Variants in FKTN observed in about 807,000 individuals in gnomAD.
FKTN encodes fukutin, also known as ribitol-5-phosphate transferase FKTN.
A neutral mutation model predicts 58.6 loss-of-function variants in FKTN; 47 were observed. That is an observed-to-expected ratio of 0.80 (90% confidence interval 0.63 to 1.02). The LOEUF (loss-of-function observed/expected upper bound fraction) is 1.02. Ranked by LOEUF, FKTN falls within the 50% of genes least tolerant of loss-of-function variation. The probability of loss-of-function intolerance (pLI) is 0.00; values close to 1 mark genes in which losing one functional copy is unlikely to be tolerated. For synonymous variants in FKTN, 178 were observed against 191.9 expected (o/e 0.93, Z 0.60); for missense variants, 516 against 537.3 (o/e 0.96, Z 0.39).
intron 3 of FKTN, among the ~76,000 whole-genome samples, chr9:105,576,018 G>C (rs2132037506): frequency 6.6e-6 from 1 of 152,130 alleles, no homozygotes; most frequent in African/African-American, 2.4e-5. Context: ...CTGCCCAGCT[G>C]ACTCACAGAT....
chr9:105,581,132 G>A (rs1842798448), intron 3 of FKTN, among the ~76,000 whole-genome samples: 1 of 149,382 alleles, frequency 6.7e-6, no homozygotes. Context: ...GTAGCTCAGA[G>A]TAATTTGATC....
chr9:105,606,889 G>C (rs1006884355), intron 6 of FKTN, among the ~76,000 whole-genome samples: 1 of 151,566 alleles, frequency 6.6e-6, no homozygotes, highest in South Asian at 2.1e-4. Flanking sequence ...AGTAGAGATG[G>C]AGAACAATAC....
intron 3 of FKTN, among the ~76,000 whole-genome samples, chr9:105,577,106 C>T (rs1395295799): frequency 1.4e-5 from 2 of 142,970 alleles, no homozygotes; most frequent in South Asian, 2.2e-4. Context: ...AATTTTCTCC[C>T]ATTTTGTAGG....
Position 105,638,200 on chromosome 9 carries a change from C to T in FKTN, c.*2936C>T. The T allele has an allele frequency of 1.0e-6, 1 of 985,402 alleles. No homozygotes were observed. The highest frequency in any genetic ancestry group is 1.2e-6 in the Non-Finnish European group (1 of 829,928). 61.0% of individuals were successfully genotyped at this position (985,402 alleles called of 1,614,324 possible). On this transcript the variant is annotated 3_prime_UTR_variant, in exon 11 of 11. Coordinates refer to ENST00000357998, the MANE Select transcript of FKTN (RefSeq NM_001079802.2). The stretch of plus-strand genomic sequence containing the variant: ...CTAGTCCAATGTCTGTTTCGCATCA[C>T]AACACAGTATCTTTAACAGTGCTTG...
intron 1 of FKTN, among the ~76,000 whole-genome samples, chr9:105,567,658 A>C (rs1379260290): frequency 6.6e-6 from 1 of 152,226 alleles, no homozygotes; most frequent in Admixed American, 6.5e-5. Flanking sequence ...AAACAAATGG[A>C]AGAACATTCT....
intron 7 of FKTN, among the ~76,000 whole-genome samples, chr9:105,612,115 C>A (rs1487551738): frequency 6.6e-6 from 1 of 151,768 alleles, no homozygotes; most frequent in Non-Finnish European, 1.5e-5. Context: ...TTTTTTATTG[C>A]ATTTTCTAAT....
chr9:105,566,869 T>C (rs544690081), intron 1 of FKTN, among the ~76,000 whole-genome samples: 33 of 152,340 alleles, frequency 2.2e-4, no homozygotes, highest in African/African-American at 7.0e-4. Flanking sequence ...TCAATATCCC[T>C]GATGAACATC....
chr9:105,587,191 A>G (rs1844067058), intron 3 of FKTN, among the ~76,000 whole-genome samples: 1 of 152,146 alleles, frequency 6.6e-6, no homozygotes, highest in South Asian at 2.1e-4. Flanking sequence ...GAGCAGCACC[A>G]GTGCCTGCAG....
chr9:105,561,091 C>CAA (rs533709834), intron 1 of FKTN, among the ~76,000 whole-genome samples: 1 of 136,626 alleles, frequency 7.3e-6, no homozygotes, highest in African/African-American at 2.6e-5. Context: ...TCTCAAAAAA[C>CAA]AAAAAAAAAA....
At chr9:105,583,913 C>T (rs528591684) in intron 3 of FKTN, among the ~76,000 whole-genome samples, 2 of 152,206 alleles carry the variant, frequency 1.3e-5, no homozygotes, top group African/African-American at 4.8e-5. Context: ...GTCCCAATAT[C>T]CCTTATTGAA....
At chr9:105,597,998 A>T in intron 4 of FKTN, 1 of 345,600 alleles carries the variant, frequency 2.9e-6, no homozygotes, top group South Asian at 2.5e-5. Flanking sequence ...GTACAGGTTC[A>T]CTGATACATT....
chr9:105,620,142 GA>G (rs1309462256), intron 10 of FKTN, 81 bp downstream of exon 10: 1 of 1,268,920 alleles, frequency 7.9e-7, no homozygotes, highest in Non-Finnish European at 1.1e-6. Flanking sequence ...TAACTGAAAA[GA>G]AAACCAAAAA....
chr9:105,635,121 AC>A lies in FKTN; in HGVS notation c.1246del (p.Leu416SerfsTer16). 1 of 1,614,048 alleles carries A rather than the reference AC, an allele frequency of 6.2e-7. No individual in the cohort carries two copies. Among genetic ancestry groups the A allele is most frequent in the Non-Finnish European group, 8.5e-7 (1 of 1,179,958 alleles). On this transcript the variant is annotated frameshift_variant, in exon 11 of 11. Coordinates refer to ENST00000357998, the MANE Select transcript of FKTN (RefSeq NM_001079802.2). LOFTEE classifies it high-confidence loss of function. The stretch of plus-strand genomic sequence containing the variant: ...CATGAAGGTCCATGTACCCTGTGAA[AC>A]CCTCGAATACATTGAAGCCAACTAT... Reference protein sequence around the residue: ...VDMKVHVPCETLEYIEANYGK... With the variant: ...VDMKVHVPCEXLEYIEANYGK...
At chr9:105,591,395 T>C (rs1296050707) in intron 3 of FKTN, among the ~76,000 whole-genome samples, 1 of 152,210 alleles carries the variant, frequency 6.6e-6, no homozygotes, top group Non-Finnish European at 1.5e-5. Context: ...GGGTAAATAC[T>C]CCTGTTCCAA....
At chr9:105,581,641 A>G (rs1251443541) in intron 3 of FKTN, among the ~76,000 whole-genome samples, 2 of 152,164 alleles carry the variant, frequency 1.3e-5, no homozygotes, top group Non-Finnish European at 2.9e-5. Context: ...CCCTGCCCCC[A>G]GAGGTGGAGC....
chr9:105,584,470 A>C (rs899944464), intron 3 of FKTN, among the ~76,000 whole-genome samples: 5 of 152,104 alleles, frequency 3.3e-5, no homozygotes, highest in Non-Finnish European at 7.4e-5. Context: ...ACTTTTGATA[A>C]TAGGTAGACA....
chr9:105,623,907 G>T (rs1832374625), intron 10 of FKTN, among the ~76,000 whole-genome samples: 1 of 152,132 alleles, frequency 6.6e-6, no homozygotes, highest in Non-Finnish European at 1.5e-5. Context: ...AGACTTAGGA[G>T]AAATGTGGGA....
chr9:105,582,363 A>T (rs1040372453), intron 3 of FKTN, among the ~76,000 whole-genome samples: 1 of 151,960 alleles, frequency 6.6e-6, no homozygotes, highest in Non-Finnish European at 1.5e-5. Context: ...CTGACTAATT[A>T]AAAAAAATTT....
At chr9:105,569,651 G>A (rs1468860748) in intron 1 of FKTN, among the ~76,000 whole-genome samples, 1 of 152,104 alleles carries the variant, frequency 6.6e-6, no homozygotes, top group East Asian at 1.9e-4. Context: ...CTCAGTTCAT[G>A]CACTAGTTAT....
Sources: allele counts gnomAD v4.1 joint callset (sites outside exome capture counted in the v4.1 genomes callset), GRCh38; gene constraint gnomAD v4.1.1; transcripts MANE v1.5; gene names NCBI Gene and HGNC (gene_info 2026-07-23, HGNC 2026-07-21).